The following XRCC5 variants were observed in gnomAD, a reference collection of about 807,000 sequenced individuals.
XRCC5 encodes the protein DNA repair protein Ku80.
XRCC5 carries 12 observed loss-of-function variants against 95.7 expected under a neutral mutation model. That is an observed-to-expected ratio of 0.13 (90% confidence interval 0.08 to 0.20). The LOEUF (loss-of-function observed/expected upper bound fraction) is 0.20. Ranked by LOEUF, XRCC5 falls within the 10% of genes least tolerant of loss-of-function variation. The probability of loss-of-function intolerance (pLI) is 1.00; values close to 1 mark genes in which losing one functional copy is unlikely to be tolerated. For missense variants in XRCC5, 595 were observed against 873.9 expected (o/e 0.68, Z 4.02); for synonymous variants, 281 against 290.3 (o/e 0.97, Z 0.33).
At chr2:216,197,856 A>ACATACTACATACTATACCAAT (rs1559264700) in intron 19 of XRCC5, among the ~76,000 whole-genome samples, 4 of 152,334 alleles carry the variant, frequency 2.6e-5, no homozygotes, top group Non-Finnish European at 5.9e-5. Context: ...TAGCCAATGT[A>ACATACTACATACTATACCAAT]GTATGTATAC....
chr2:216,122,352 C>T, intron 6 of XRCC5, 99 bp downstream of exon 6: 2 of 1,113,588 alleles, frequency 1.8e-6, no homozygotes, highest in Admixed American at 4.7e-5. Context: ...CTGGGCCACT[C>T]TCTAATTAGT....
intron 7 of XRCC5, 70 bp downstream of exon 7, chr2:216,126,101 A>G: frequency 8.1e-7 from 1 of 1,234,568 alleles, no homozygotes; most frequent in Non-Finnish European, 1.2e-6. Flanking sequence ...TAAGGAACAG[A>G]CAATTCATGT....
chr2:216,199,810 CTTTTTTTTTTT>C lies in XRCC5; in HGVS notation c.2110-4498_2110-4488del, dbSNP rs375975027. Among the ~76,000 whole-genome samples, 102 of 120,250 alleles carry C rather than the reference CTTTTTTTTTTT, an allele frequency of 8.5e-4. 1 individual carries two copies. Among genetic ancestry groups the C allele is most frequent in the Non-Finnish European group, 1.4e-3 (82 of 58,502 alleles). The allele number at this position is 120,250 out of a possible 152,430, so 78.9% of individuals were successfully genotyped here. The stretch of plus-strand genomic sequence containing the variant: ...GGATTTATCCCCATGGCATTGGGAT[CTTTTTTTTTTT>C]TTTTTTTTTTTTTACCAGATTCCAA... On this transcript the variant is annotated intron_variant, in intron 19 of 20. Coordinates refer to ENST00000392132, the MANE Select transcript of XRCC5 (RefSeq NM_021141.4).
chr2:216,162,091 G>A, intron 16 of XRCC5, 43 bp downstream of exon 16: 1 of 1,537,326 alleles, frequency 6.5e-7, no homozygotes, highest in Non-Finnish European at 9.0e-7. Flanking sequence ...GTTTAGTTAA[G>A]CTAACTAATT....
In XRCC5 at chr2:216,205,246, A is replaced by T; in HGVS notation, c.*44A>T. 1 of 1,613,622 alleles carries T rather than the reference A, an allele frequency of 6.2e-7. No homozygotes were observed. The highest frequency in any genetic ancestry group is 1.1e-5 in the South Asian group (1 of 91,058). On this transcript the variant is annotated 3_prime_UTR_variant, in exon 21 of 21. Transcript: ENST00000392132. ...ATCTAAGAGAGCTGCCATCGCTGTG[A>T]TGCTGGGAGTTCTAACAAAACAAGT...
intron 19 of XRCC5, among the ~76,000 whole-genome samples, chr2:216,196,422 G>C (rs1185110611): frequency 6.6e-6 from 1 of 152,126 alleles, no homozygotes; most frequent in Non-Finnish European, 1.5e-5. Context: ...TTTATACAAT[G>C]TTTGATAATA....
Position 216,190,209 on chromosome 2 carries a change from TTG to T in XRCC5, c.1835-14_1835-13del, listed in dbSNP as rs745802600. The stretch of plus-strand genomic sequence containing the variant: ...CATCACTCAAATCTAAGAAAATTTG[TTG>T]TCTTATGTTTTAGCGAGTAACCAGC... On this transcript the variant is annotated splice_polypyrimidine_tract_variant and intron_variant, in intron 16 of 20. Transcript: ENST00000392132. 1 of 1,610,060 alleles carries T rather than the reference TTG, an allele frequency of 6.2e-7. No homozygotes were observed. Among genetic ancestry groups the T allele is most frequent in the Non-Finnish European group, 8.5e-7 (1 of 1,177,210 alleles).
intron 12 of XRCC5, among the ~76,000 whole-genome samples, chr2:216,139,016 C>G (rs771726975): frequency 1.3e-5 from 2 of 152,074 alleles, no homozygotes; most frequent in South Asian, 4.2e-4. Context: ...CTTTATCTTC[C>G]TTCTAGAAAT....
intron 16 of XRCC5, among the ~76,000 whole-genome samples, chr2:216,169,772 G>A (rs771126570): frequency 8.6e-5 from 13 of 151,556 alleles, no homozygotes; most frequent in African/African-American, 2.9e-4. Context: ...CTGGCCGGGC[G>A]CAGTGGCTCA....
In XRCC5 at chr2:216,205,585, T is replaced by A. The variant is rs1284277241; in HGVS notation, c.*383T>A. ...TAGTGTCTCATGTGGAACCATGGCA[T>A]GGTTATTGATGAGTTTCTTAACCCT... On this transcript the variant is annotated 3_prime_UTR_variant, in exon 21 of 21. Transcript: ENST00000392132. 1 of 188,832 alleles carries A rather than the reference T, an allele frequency of 5.3e-6. No homozygotes were observed. Among genetic ancestry groups the A allele is most frequent in the Non-Finnish European group, 1.1e-5 (1 of 91,616 alleles). 11.7% of individuals were successfully genotyped at this position (188,832 alleles called of 1,614,324 possible). A position where few individuals can be genotyped will look rare whatever the true frequency, so the allele number is the denominator to read the frequency against.
intron 16 of XRCC5, chr2:216,175,672 G>A (rs897056644): frequency 7.2e-6 from 3 of 416,246 alleles, no homozygotes; most frequent in Admixed American, 5.9e-5. Context: ...TGGGCACCAG[G>A]CTTTACAGAA....
chr2:216,119,663 G>GT (rs1379751125), intron 5 of XRCC5, among the ~76,000 whole-genome samples: 1 of 152,136 alleles, frequency 6.6e-6, no homozygotes, highest in African/African-American at 2.4e-5. Flanking sequence ...AGATCCAAAA[G>GT]TTGTGGACAC....
chr2:216,138,656 T>A (rs1365835129), intron 12 of XRCC5, among the ~76,000 whole-genome samples: 2 of 152,230 alleles, frequency 1.3e-5, no homozygotes, highest in East Asian at 3.8e-4. Flanking sequence ...TAGGAGTTAC[T>A]TCAGGCTTGA....
chr2:216,205,344 A>G lies in XRCC5; in HGVS notation c.*142A>G. 1.1e-6 allele frequency: 1 copy of G among 930,846 alleles called. No homozygotes were observed. Among genetic ancestry groups the G allele is most frequent in the Non-Finnish European group, 1.8e-6 (1 of 564,552 alleles). The allele number at this position is 930,846 out of a possible 1,614,324, so 57.7% of individuals were successfully genotyped here. A position where few individuals can be genotyped will look rare whatever the true frequency, so the allele number is the denominator to read the frequency against. On this transcript the variant is annotated 3_prime_UTR_variant, in exon 21 of 21. Transcript: ENST00000392132. ...AGGTTACCTGGAGGCGGATCATCTA[A>G]TTCTCTGTGGAATGAATACACACAT... is the stretch of plus-strand genomic sequence containing the variant.
At chr2:216,173,066 T>C (rs940625208) in intron 16 of XRCC5, among the ~76,000 whole-genome samples, 2 of 152,116 alleles carry the variant, frequency 1.3e-5, no homozygotes, top group African/African-American at 4.8e-5. Context: ...GAAATGAAAT[T>C]ATTTATTTAT....
Position 216,130,234 on chromosome 2 carries a change from G to C in XRCC5, c.938-641G>C, listed in dbSNP as rs369868475. ...GAATATAGGCTACAGAACAGGGCTG[G>C]ACTTTTTTTTTTTTTTTTTAAGAAG... On this transcript the variant is annotated intron_variant, in intron 8 of 20. Coordinates refer to ENST00000392132, the MANE Select transcript of XRCC5 (RefSeq NM_021141.4). 3.5e-4 allele frequency among the ~76,000 whole-genome samples: 46 copies of C among 130,672 alleles called. 1 individual carries two copies. Among genetic ancestry groups the C allele is most frequent in the African/African-American group, 1.3e-3 (45 of 34,108 alleles). The allele number at this position is 130,672 out of a possible 152,430, so 85.7% of individuals were successfully genotyped here. A position where few individuals can be genotyped will look rare whatever the true frequency, so the allele number is the denominator to read the frequency against.
In XRCC5 at chr2:216,126,080, A is replaced by G. The variant is rs776004063; in HGVS notation, c.798+49A>G. ...AACAGAAATGTTACCAGGCAGATAA[A>G]TATGTGTATATAAGGAACAGACAAT... On this transcript the variant is annotated intron_variant, in intron 7 of 20. Coordinates refer to ENST00000392132, the MANE Select transcript of XRCC5 (RefSeq NM_021141.4). The G allele has an allele frequency of 4.2e-6, 6 of 1,426,324 alleles. No individual in the cohort carries two copies. In the Admixed American group the frequency reaches 8.5e-5, roughly 20 times the overall value. The allele number at this position is 1,426,324 out of a possible 1,614,324, so 88.4% of individuals were successfully genotyped here. A position where few individuals can be genotyped will look rare whatever the true frequency, so the allele number is the denominator to read the frequency against.
intron 17 of XRCC5, among the ~76,000 whole-genome samples, chr2:216,191,720 T>C (rs1181586327): frequency 6.6e-6 from 1 of 152,122 alleles, no homozygotes; most frequent in African/African-American, 2.4e-5. Flanking sequence ...CAAGGGATAT[T>C]TTTTGAACTG....
chr2:216,114,714 C>A (rs890205200), intron 2 of XRCC5, among the ~76,000 whole-genome samples: 5 of 152,140 alleles, frequency 3.3e-5, no homozygotes, highest in Non-Finnish European at 7.3e-5. Flanking sequence ...GGAATCTTAA[C>A]AGACAGAAAA....
Sources: allele counts gnomAD v4.1 joint callset (sites outside exome capture counted in the v4.1 genomes callset), GRCh38; gene constraint gnomAD v4.1.1; transcripts MANE v1.5; gene names NCBI Gene and HGNC (gene_info 2026-07-23, HGNC 2026-07-21).